Variants in ADGRD2 observed in about 807,000 individuals in gnomAD.
ADGRD2 encodes adhesion G protein-coupled receptor D2.
Under a neutral mutation model 44.4 loss-of-function variants are expected in ADGRD2, and 71 were observed. The ratio of observed to expected loss-of-function variants is 1.60; its 90% CI spans 1.32 to 1.95. The LOEUF is 1.95. Among genes scored for constraint, ADGRD2 ranks in the 30% most tolerant of loss-of-function variants. The pLI is 0.00. For missense variants in ADGRD2, 1,039 were observed against 512.4 expected, an observed-to-expected ratio of 2.03 and a Z score of -9.92; for synonymous variants, 481 against 224.8, an observed-to-expected ratio of 2.14 and a Z score of -10.19.
At chr9:124,451,997 G>GTCC, upstream of ADGRD2, 1 of 360,938 alleles carries the variant, frequency 2.8e-6, no homozygotes, top group Non-Finnish European at 5.5e-6. Flanking sequence ...TCCACTGAAT[G>GTCC]CCCCCCTCCC....
chr9:124,468,781 C>T, intron 14 of ADGRD2, 109 bp downstream of exon 17: 1 of 620,164 alleles, frequency 1.6e-6, no homozygotes, highest in Non-Finnish European at 2.9e-6. Flanking sequence ...CAGCACCACT[C>T]AGCATCCGGC....
At chr9:124,469,658 A>G in intron 16 of ADGRD2, 111 bp downstream of exon 19, 1 of 663,842 alleles carries the variant, frequency 1.5e-6, no homozygotes, top group Non-Finnish European at 2.8e-6. Flanking sequence ...CCAGAGCGTG[A>G]CCGTGTGGCT....
At chr9:124,456,309 T>C (rs899883460) in intron 6 of ADGRD2, among the ~76,000 whole-genome samples, 3 of 152,204 alleles carry the variant, frequency 2.0e-5, no homozygotes, top group Non-Finnish European at 2.9e-5. Flanking sequence ...TGAGCACCCA[T>C]TACAGGTCTA....
At chr9:124,462,998 T>A (rs1194997036) in intron 10 of ADGRD2, among the ~76,000 whole-genome samples, 1 of 152,008 alleles carries the variant, frequency 6.6e-6, no homozygotes, top group Non-Finnish European at 1.5e-5. Flanking sequence ...TTCTTTCTTT[T>A]TCTTCCCTTG....
chr9:124,456,785 GC>G lies in ADGRD2; in HGVS notation c.1505+55del. The G allele has an allele frequency of 7.1e-6, 5 of 701,444 alleles. No homozygotes were observed. The South Asian group carries it at 7.4e-5, about 10-fold the overall frequency. The allele number at this position is 701,444 out of a possible 1,614,324, so 43.5% of individuals were successfully genotyped here. A position where few individuals can be genotyped will look rare whatever the true frequency, so the allele number is the denominator to read the frequency against. On this transcript the variant is annotated intron_variant, in intron 7 of 21. Transcript: ENST00000334810. ...GGCTGGACTCAGACCTCCCTCCTCA[GC>G]CCTGGTGACTGGGAGCTGTCTGAAC...
chr9:124,453,304 C>T, exon 3 of ADGRD2: 2 of 484,270 alleles, frequency 4.1e-6, no homozygotes, highest in Non-Finnish European at 7.2e-6. Context: ...CGCAGCCTTC[C>T]GCGCCGACGG....
rs533200047 is a variant in ADGRD2 at position 124,460,122 on chromosome 9, T to C, written c.1870+1401T>C. Among the ~76,000 whole-genome samples the C allele has an allele frequency of 4.6e-5, 7 of 151,458 alleles. No homozygotes were observed. The East Asian group carries it at 1.4e-3, about 29-fold the overall frequency. ...CACACACACACACACCAACCACAGCTTATCACTCTCTTGTATATATCGTCA... is the reference window on the plus strand; with the variant it reads ...CACACACACACACACCAACCACAGCCTATCACTCTCTTGTATATATCGTCA... On this transcript the variant is annotated intron_variant, in intron 10 of 21. Coordinates refer to ENST00000334810, the Ensembl canonical transcript of ADGRD2.
chr9:124,469,645 T>C (rs1327332033), intron 16 of ADGRD2, 98 bp downstream of exon 19: 5 of 681,812 alleles, frequency 7.3e-6, no homozygotes, highest in Non-Finnish European at 1.4e-5. Flanking sequence ...TGCGAGTCTG[T>C]GTCCAGAGCG....
intron 21 of ADGRD2, chr9:124,477,044 C>A (rs1832061494): frequency 3.4e-6 from 2 of 588,342 alleles, no homozygotes; most frequent in Non-Finnish European, 6.6e-6. Context: ...TGTCCTCCCC[C>A]TCTTTCTGCC....
chr9:124,472,234 C>T (rs1831958266), intron 17 of ADGRD2, among the ~76,000 whole-genome samples: 1 of 152,162 alleles, frequency 6.6e-6, no homozygotes, highest in Non-Finnish European at 1.5e-5. Flanking sequence ...TCATTCTTTC[C>T]TCTCTGTCCC....
intron 21 of ADGRD2, among the ~76,000 whole-genome samples, chr9:124,477,569 G>C (rs1286956789): frequency 6.6e-6 from 1 of 152,220 alleles, no homozygotes; most frequent in Non-Finnish European, 1.5e-5. Context: ...CCCGCACAGA[G>C]CCAGAGCCAG....
In ADGRD2 at chr9:124,454,835, G is replaced by A. The variant is rs1831582961; in HGVS notation, c.1109-8G>A. ...CAGACCCAGAGTCAGTGGCTCCTCT[G>A]TCCACAGCTCCTCCCGGACCCCCTC... On this transcript the variant is annotated splice_polypyrimidine_tract_variant and splice_region_variant and intron_variant, in intron 5 of 21. Coordinates refer to ENST00000334810, the Ensembl canonical transcript of ADGRD2. This position sits in a 1 kb window ranked among gnomAD's most constrained non-coding sequence, Gnocchi z 4.5. The A allele has an allele frequency of 2.9e-6, 2 of 690,200 alleles. No individual in the cohort carries two copies. The highest frequency in any genetic ancestry group is 3.0e-5 in the South Asian group (2 of 66,102). 42.8% of individuals were successfully genotyped at this position (690,200 alleles called of 1,614,324 possible). A position where few individuals can be genotyped will look rare whatever the true frequency, so the allele number is the denominator to read the frequency against.
chr9:124,460,725 G>T (rs2131240202), intron 10 of ADGRD2, among the ~76,000 whole-genome samples: 1 of 152,054 alleles, frequency 6.6e-6, no homozygotes, highest in East Asian at 1.9e-4. Context: ...GATTTGACTT[G>T]TTTTCAGTTT....
chr9:124,470,063 C>G (rs1303902880), intron 16 of ADGRD2, among the ~76,000 whole-genome samples: 7 of 152,280 alleles, frequency 4.6e-5, no homozygotes, highest in African/African-American at 1.7e-4. Flanking sequence ...TGGCTTTCCC[C>G]TTCCCCACCC....
chr9:124,452,108 G>A, exon 1 of ADGRD2: 1 of 717,168 alleles, frequency 1.4e-6, no homozygotes, highest in Non-Finnish European at 2.6e-6. Context: ...GTCTCTCTGG[G>A]ACCCCCTCCA....
At chr9:124,453,085 G>A (rs771461365) in exon 3 of ADGRD2, 92 of 688,814 alleles carry the variant, frequency 1.3e-4, no homozygotes, top group Middle Eastern at 8.4e-4. Flanking sequence ...GGCTGACCGG[G>A]CGGCGCGGCT....
At chr9:124,466,271 C>T (rs575426414) in exon 11 of ADGRD2, 2 of 686,748 alleles carry the variant, frequency 2.9e-6, no homozygotes, top group East Asian at 2.8e-5. Flanking sequence ...CCCCTGTTCC[C>T]TCCCCATCCC....
intron 17 of ADGRD2, among the ~76,000 whole-genome samples, chr9:124,474,934 A>T (rs1175474484): frequency 6.6e-6 from 1 of 152,202 alleles, no homozygotes; most frequent in East Asian, 1.9e-4. Flanking sequence ...CCTCACAGGC[A>T]GCACCTCCCA....
chr9:124,467,326 CT>C (rs1398948301), intron 11 of ADGRD2: 2 of 140,276 alleles, frequency 1.4e-5, no homozygotes, highest in African/African-American at 3.0e-5. Flanking sequence ...GGGTGACAGA[CT>C]GTCTTGAAGC....
Sources: gnomAD v4.1 joint callset for allele counts (sites outside exome capture counted in the v4.1 genomes callset) on GRCh38, gnomAD v4.1.1 for gene constraint, Gnocchi (gnomAD v3.1) non-coding constraint, MANE v1.5 for transcripts, NCBI Gene and HGNC (gene_info 2026-07-23, HGNC 2026-07-21) for gene names.